CDKL4: variants seen among roughly 807,000 people sequenced by gnomAD.
CDKL4 encodes cyclin-dependent kinase-like 4.
CDKL4 carries 44 observed loss-of-function variants against 42.0 expected under a neutral mutation model. The observed-to-expected ratio is 1.05, with a 90% CI of 0.82 to 1.35. The LOEUF is 1.35. Ranked by LOEUF, CDKL4 falls within the 40% of genes most tolerant of loss-of-function variation. The probability of loss-of-function intolerance (pLI) is 0.00; values close to 1 mark genes in which losing one functional copy is unlikely to be tolerated. For missense variants in CDKL4, 393 were observed against 369.9 expected (o/e 1.06, Z -0.51); for synonymous variants, 120 against 121.6 (o/e 0.99, Z 0.09).
chr2:39,182,282 T>G (rs932364123), intron 8 of CDKL4, among the ~76,000 whole-genome samples: 1 of 152,222 alleles, frequency 6.6e-6, no homozygotes, highest in African/African-American at 2.4e-5. Context: ...TGAGCCACCA[T>G]GCCCAGCCTC....
intron 2 of CDKL4, 123 bp downstream of exon 2, chr2:39,229,242 A>G: frequency 1.5e-6 from 1 of 681,834 alleles, no homozygotes; most frequent in South Asian, 2.0e-5. Flanking sequence ...TATTACCCAA[A>G]GGTGCTGATA....
chr2:39,171,807 T>A (rs531599245), downstream of CDKL4, among the ~76,000 whole-genome samples: 6 of 151,228 alleles, frequency 4.0e-5, no homozygotes, highest in Non-Finnish European at 8.9e-5. Context: ...CACAGAGGAG[T>A]GTTCAGGCGG....
intron 3 of CDKL4, among the ~76,000 whole-genome samples, chr2:39,225,513 AT>A (rs1678648850): frequency 6.6e-6 from 1 of 152,022 alleles, no homozygotes; most frequent in Admixed American, 6.6e-5. Flanking sequence ...TCAATCGTAC[AT>A]TTTTTTATCT....
intron 3 of CDKL4, among the ~76,000 whole-genome samples, chr2:39,218,667 T>C (rs1678103654): frequency 6.6e-6 from 1 of 152,016 alleles, no homozygotes; most frequent in African/African-American, 2.4e-5. Flanking sequence ...AACAAAACGG[T>C]AGGGGAAGGG....
chr2:39,186,058 G>A (rs903969800), intron 7 of CDKL4, among the ~76,000 whole-genome samples: 2 of 152,150 alleles, frequency 1.3e-5, no homozygotes, highest in African/African-American at 2.4e-5. Context: ...GAGGAAAGAA[G>A]GGGATGGAGA....
At chr2:39,217,759 G>C (rs1261557247) in intron 3 of CDKL4, among the ~76,000 whole-genome samples, 2 of 150,724 alleles carry the variant, frequency 1.3e-5, no homozygotes, top group Non-Finnish European at 3.0e-5. Flanking sequence ...TTGAGATAGA[G>C]TTTCGCTCTT....
chr2:39,197,517 C>A (rs1475594066), intron 5 of CDKL4, among the ~76,000 whole-genome samples: 1 of 152,170 alleles, frequency 6.6e-6, no homozygotes, highest in Non-Finnish European at 1.5e-5. Flanking sequence ...GCAAAAAGAT[C>A]ATCGCCTAGG....
chr2:39,211,234 A>G (rs1677569504), intron 4 of CDKL4, among the ~76,000 whole-genome samples: 1 of 152,092 alleles, frequency 6.6e-6, no homozygotes, highest in Non-Finnish European at 1.5e-5. Flanking sequence ...TACAAAAACA[A>G]AAATTGGCTG....
At chr2:39,218,703 C>T (rs574064381) in intron 3 of CDKL4, among the ~76,000 whole-genome samples, 2 of 152,236 alleles carry the variant, frequency 1.3e-5, no homozygotes, top group East Asian at 1.9e-4. Context: ...TGAGCTGGGA[C>T]GTCCATCTTC....
intron 3 of CDKL4, among the ~76,000 whole-genome samples, 164 bp from the exon 4 acceptor site, chr2:39,213,636 T>C (rs1192437364): frequency 6.6e-6 from 1 of 152,170 alleles, no homozygotes; most frequent in East Asian, 1.9e-4. Flanking sequence ...TACTATCTTT[T>C]TATTATGGTT....
At chr2:39,182,844 C>T (rs1333382104) in intron 8 of CDKL4, among the ~76,000 whole-genome samples, 1 of 152,196 alleles carries the variant, frequency 6.6e-6, no homozygotes, top group Non-Finnish European at 1.5e-5. Context: ...AGAAGACCTG[C>T]CATAGATTGG....
At chr2:39,178,755 G>T in intron 9 of CDKL4, 1 of 1,600,796 alleles carries the variant, frequency 6.2e-7, no homozygotes, top group Admixed American at 1.7e-5. Context: ...AGACTTAGGT[G>T]CCTGCTGTGG....
chr2:39,218,291 A>C (rs1229358542), intron 3 of CDKL4, among the ~76,000 whole-genome samples: 1 of 151,916 alleles, frequency 6.6e-6, no homozygotes, highest in Non-Finnish European at 1.5e-5. Flanking sequence ...GCTTGAGCAC[A>C]GGAGTTTGAG....
At chr2:39,209,496 T>A (rs568195561) in intron 4 of CDKL4, among the ~76,000 whole-genome samples, 3 of 152,318 alleles carry the variant, frequency 2.0e-5, no homozygotes, top group East Asian at 1.9e-4. Flanking sequence ...TTTTCTTAAG[T>A]CCTGCGCTTC....
intron 2 of CDKL4, among the ~76,000 whole-genome samples, chr2:39,228,513 G>A (rs563951188): frequency 1.3e-5 from 2 of 152,174 alleles, no homozygotes; most frequent in Non-Finnish European, 2.9e-5. Flanking sequence ...TGTCAAAAAT[G>A]AAGGTTGCCT....
chr2:39,219,719 C>A (rs1678185575), intron 3 of CDKL4, among the ~76,000 whole-genome samples: 1 of 152,036 alleles, frequency 6.6e-6, no homozygotes, highest in African/African-American at 2.4e-5. Flanking sequence ...CTGTTCTTGG[C>A]CTGAAAAGGG....
chr2:39,168,181 G>A, the CDKL4 span, among the ~76,000 whole-genome samples: 11 of 151,976 alleles, frequency 7.2e-5, no homozygotes, highest in Admixed American at 5.2e-4. Context: ...TTTAAATTAC[G>A]ATTAGGCTAA....
At chr2:39,185,690 C>T (rs1040231425) in intron 7 of CDKL4, among the ~76,000 whole-genome samples, 15 of 151,304 alleles carry the variant, frequency 9.9e-5, no homozygotes, top group East Asian at 3.9e-4. Context: ...CTCGATCTCC[C>T]GACCTAGTGA....
At chr2:39,224,038 T>C (rs1042444762) in intron 3 of CDKL4, among the ~76,000 whole-genome samples, 105 of 152,362 alleles carry the variant, frequency 6.9e-4, no homozygotes, top group African/African-American at 2.4e-3. Context: ...TTTTTTTGAA[T>C]AAATATATTT....
Sources: gnomAD v4.1 joint callset for allele counts (sites outside exome capture counted in the v4.1 genomes callset) on GRCh38, gnomAD v4.1.1 for gene constraint, MANE v1.5 for transcripts, NCBI Gene and HGNC (gene_info 2026-07-23, HGNC 2026-07-21) for gene names.